SV2C: variants seen among roughly 807,000 people sequenced by gnomAD.
The protein encoded by SV2C is solute carrier family 22 member B3.
A neutral mutation model predicts 79.7 loss-of-function variants in SV2C; 49 were observed. The observed-to-expected ratio is 0.61, with a 90% CI of 0.49 to 0.78. The LOEUF (loss-of-function observed/expected upper bound fraction) is 0.78. SV2C is among the 30% of genes least tolerant of loss of function. SV2C has a pLI of 0.00. For synonymous variants in SV2C, 334 were observed against 333.2 expected (o/e 1.00, Z -0.03); for missense variants, 833 against 912.9 (o/e 0.91, Z 1.13).
chr5:76,250,166 C>T (rs558677241), intron 4 of SV2C, among the ~76,000 whole-genome samples: 1 of 152,228 alleles, frequency 6.6e-6, no homozygotes, highest in African/African-American at 2.4e-5. Flanking sequence ...CTCTCTTCTC[C>T]ATGTCATTCT....
the SV2C span, among the ~76,000 whole-genome samples, chr5:75,922,725 T>C: frequency 5.7e-4 from 87 of 152,304 alleles, no homozygotes; most frequent in African/African-American, 1.9e-3. Flanking sequence ...CAAAGATCAC[T>C]CAGAGTGACA....
intron 9 of SV2C, among the ~76,000 whole-genome samples, chr5:76,298,413 A>G (rs1172112005): frequency 2.0e-5 from 3 of 152,208 alleles, no homozygotes; most frequent in Non-Finnish European, 4.4e-5. Context: ...TTAACCCCAA[A>G]TAGAGAATAT....
the SV2C span, among the ~76,000 whole-genome samples, chr5:75,854,726 T>A: frequency 6.6e-6 from 1 of 152,132 alleles, no homozygotes. Flanking sequence ...CGAACTTCCA[T>A]GTGTTATTTC....
the SV2C span, among the ~76,000 whole-genome samples, chr5:76,056,712 G>T: frequency 8.9e-6 from 1 of 112,332 alleles, no homozygotes; most frequent in South Asian, 3.1e-4. Context: ...TCAGGGATTT[G>T]ATTTCTTTCT....
chr5:76,013,968 A>C, the SV2C span, among the ~76,000 whole-genome samples: 3 of 152,124 alleles, frequency 2.0e-5, no homozygotes, highest in Non-Finnish European at 4.4e-5. Context: ...TACATAAAGC[A>C]TATTTTAGTT....
the SV2C span, among the ~76,000 whole-genome samples, chr5:75,923,336 A>G: frequency 6.6e-6 from 1 of 152,202 alleles, no homozygotes; most frequent in Non-Finnish European, 1.5e-5. Context: ...ATAACATCAG[A>G]AAAGCTCTCT....
At chr5:76,253,178 G>A (rs1434284861) in intron 4 of SV2C, among the ~76,000 whole-genome samples, 1 of 152,190 alleles carries the variant, frequency 6.6e-6, no homozygotes, top group African/African-American at 2.4e-5. Context: ...GCCTAAAAAT[G>A]TACTGCATTA....
chr5:76,306,185 C>T (rs1397561720), intron 12 of SV2C, among the ~76,000 whole-genome samples: 1 of 152,138 alleles, frequency 6.6e-6, no homozygotes, highest in East Asian at 1.9e-4. Flanking sequence ...GTAGCTGGAA[C>T]TACAGATGTG....
At chr5:76,030,278 T>TGTTTTGTTTTG in the SV2C span, among the ~76,000 whole-genome samples, 2 of 116,912 alleles carry the variant, frequency 1.7e-5, no homozygotes, top group African/African-American at 7.0e-5. Context: ...TTTTTTTTTT[T>TGTTTTGTTTTG]TTTTTTTTTT....
chr5:76,167,693 G>T (rs559155024), intron 2 of SV2C, among the ~76,000 whole-genome samples: 18 of 152,280 alleles, frequency 1.2e-4, no homozygotes, highest in African/African-American at 4.3e-4. Flanking sequence ...ATTTGTCCAA[G>T]GTCATATGGC....
At chr5:76,216,451 G>A (rs1744910986) in intron 4 of SV2C, among the ~76,000 whole-genome samples, 1 of 152,156 alleles carries the variant, frequency 6.6e-6, no homozygotes, top group Non-Finnish European at 1.5e-5. Context: ...AACTGAGAAG[G>A]AAATGCCCTT....
the SV2C span, among the ~76,000 whole-genome samples, chr5:75,938,326 T>C: frequency 6.6e-6 from 1 of 152,186 alleles, no homozygotes; most frequent in Non-Finnish European, 1.5e-5. Flanking sequence ...TGCATACATG[T>C]GTTCACCAAA....
intron 4 of SV2C, among the ~76,000 whole-genome samples, chr5:76,223,489 A>ATG (rs2044186067): frequency 8.0e-5 from 3 of 37,728 alleles, no homozygotes; most frequent in South Asian, 5.5e-4. Flanking sequence ...ATATATATAT[A>ATG]TATATATGTA....
intron 4 of SV2C, among the ~76,000 whole-genome samples, chr5:76,258,045 G>C (rs1746345570): frequency 6.8e-6 from 1 of 146,618 alleles, no homozygotes; most frequent in Non-Finnish European, 1.5e-5. Context: ...GTGGTGTATG[G>C]TATATGATAT....
the SV2C span, among the ~76,000 whole-genome samples, chr5:75,947,369 A>C: frequency 1.3e-5 from 2 of 151,940 alleles, no homozygotes; most frequent in Non-Finnish European, 2.9e-5. Flanking sequence ...CTCTTCCTGC[A>C]GCCTTCATTC....
At chr5:76,030,819 G>A in the SV2C span, among the ~76,000 whole-genome samples, 17 of 152,160 alleles carry the variant, frequency 1.1e-4, no homozygotes, top group African/African-American at 3.6e-4. Context: ...GCCTCCCTCT[G>A]GAGTGGAGAG....
the SV2C span, among the ~76,000 whole-genome samples, chr5:75,882,770 C>T: frequency 1.3e-5 from 2 of 148,902 alleles, no homozygotes; most frequent in African/African-American, 5.1e-5. Flanking sequence ...TAAAGACTTA[C>T]ATGTTAGACC....
the SV2C span, among the ~76,000 whole-genome samples, chr5:75,876,521 CAT>C: frequency 3.4e-3 from 511 of 152,146 alleles, 1 homozygote; most frequent in African/African-American, 0.012. Flanking sequence ...ATTCCTGTGA[CAT>C]GTGTTTACCT....
chr5:76,026,699 A>G, the SV2C span, among the ~76,000 whole-genome samples: 4 of 152,220 alleles, frequency 2.6e-5, no homozygotes, highest in East Asian at 7.7e-4. Context: ...TGGGGTGAAT[A>G]AAAAGAGATA....
Sources: allele counts gnomAD v4.1 joint callset (sites outside exome capture counted in the v4.1 genomes callset), GRCh38; gene constraint gnomAD v4.1.1; transcripts MANE v1.5; gene names NCBI Gene and HGNC (gene_info 2026-07-23, HGNC 2026-07-21).